The following KIFAP3 variants were observed in gnomAD, a reference collection of about 807,000 sequenced individuals.
KIFAP3 encodes the protein kinesin-associated protein 3.
A neutral mutation model predicts 106.5 loss-of-function variants in KIFAP3; 68 were observed. The observed-to-expected ratio is 0.64, with a 90% CI of 0.53 to 0.78. The LOEUF is 0.78. Ranked by LOEUF, KIFAP3 falls within the 30% of genes least tolerant of loss-of-function variation. The pLI, the probability that KIFAP3 is intolerant of heterozygous loss-of-function variation, is 0.00. For synonymous variants in KIFAP3, 320 were observed against 311.5 expected (o/e 1.03, Z -0.29); for missense variants, 780 against 941.8 (o/e 0.83, Z 2.25).
chr1:169,996,230 G>C (rs1667368703), intron 10 of KIFAP3, among the ~76,000 whole-genome samples: 1 of 151,944 alleles, frequency 6.6e-6, no homozygotes, highest in Non-Finnish European at 1.5e-5. Context: ...ACACCTTCCT[G>C]CTTTAACAGA....
intron 3 of KIFAP3, among the ~76,000 whole-genome samples, chr1:170,046,053 A>G (rs545363748): frequency 6.6e-6 from 1 of 152,042 alleles, no homozygotes; most frequent in African/African-American, 2.4e-5. Context: ...CTGTCCCATT[A>G]CTTCACCTTA....
chr1:170,006,098 G>A (rs967279274), intron 10 of KIFAP3, among the ~76,000 whole-genome samples: 1 of 152,026 alleles, frequency 6.6e-6, no homozygotes. Context: ...TATCAGAATA[G>A]GACCTATTTT....
chr1:170,082,344 T>C (rs1414609544), intron 1 of KIFAP3, among the ~76,000 whole-genome samples: 1 of 152,178 alleles, frequency 6.6e-6, no homozygotes, highest in Non-Finnish European at 1.5e-5. Context: ...ATTCCATTTA[T>C]AAGAAACTCT....
At chr1:170,038,634 T>G (rs1669811779) in intron 4 of KIFAP3, among the ~76,000 whole-genome samples, 1 of 152,190 alleles carries the variant, frequency 6.6e-6, no homozygotes, top group African/African-American at 2.4e-5. Flanking sequence ...AAAATGAGAT[T>G]TATATAAACT....
At chr1:170,038,171 T>C (rs1442986974) in intron 5 of KIFAP3, 119 bp downstream of exon 5, 2 of 791,684 alleles carry the variant, frequency 2.5e-6, no homozygotes, top group Admixed American at 3.6e-5. Flanking sequence ...ACACTCTCAA[T>C]TTAAGAAATC....
chr1:170,082,250 A>C (rs145518977), intron 1 of KIFAP3, among the ~76,000 whole-genome samples: 166 of 152,368 alleles, frequency 1.1e-3, no homozygotes, highest in African/African-American at 3.8e-3. Flanking sequence ...ACTACTTAGC[A>C]TCAAGAAAAA....
At chr1:170,021,936 TC>T (rs1557843635) in intron 9 of KIFAP3, among the ~76,000 whole-genome samples, 2 of 145,750 alleles carry the variant, frequency 1.4e-5, no homozygotes, top group Admixed American at 6.9e-5. Context: ...TTCTTTCTTT[TC>T]TTTCTTTTTT....
intron 1 of KIFAP3, among the ~76,000 whole-genome samples, chr1:170,069,676 AG>A (rs1671606170): frequency 6.6e-6 from 1 of 152,118 alleles, no homozygotes; most frequent in East Asian, 1.9e-4. Flanking sequence ...AACATAATAA[AG>A]GGCATATATG....
chr1:170,013,117 A>G (rs1668325448), intron 10 of KIFAP3, among the ~76,000 whole-genome samples: 1 of 152,110 alleles, frequency 6.6e-6, no homozygotes, highest in African/African-American at 2.4e-5. Context: ...ATGAACCGGG[A>G]AGCAGGCCAT....
Position 169,982,107 on chromosome 1 carries a change from T to G in KIFAP3, c.1673-10A>C. On this transcript the variant is annotated splice_polypyrimidine_tract_variant and intron_variant, in intron 14 of 19. Transcript: ENST00000361580. ...TCATCTTCTGCAGCACCTAGTGAAG[T>G]CAAACCATAGAAAGTTTTCACTGAA... 1.2e-6 allele frequency: 2 copies of G among 1,610,250 alleles called. No homozygotes were observed.
intron 9 of KIFAP3, among the ~76,000 whole-genome samples, chr1:170,023,343 C>T (rs1668949706): frequency 6.6e-6 from 1 of 151,982 alleles, no homozygotes; most frequent in African/African-American, 2.4e-5. Context: ...TTAGCTACTT[C>T]CTAGTTCATT....
chr1:170,009,938 T>C (rs777268051), intron 10 of KIFAP3, among the ~76,000 whole-genome samples: 72 of 152,210 alleles, frequency 4.7e-4, no homozygotes, highest in Non-Finnish European at 7.8e-4. Context: ...CATCTAACAA[T>C]TAAGTAAAGC....
At chr1:170,066,934 C>T (rs536270709) in intron 1 of KIFAP3, among the ~76,000 whole-genome samples, 3 of 151,956 alleles carry the variant, frequency 2.0e-5, no homozygotes, top group African/African-American at 7.3e-5. Flanking sequence ...CATCCTGAGC[C>T]TCAAATGATT....
At position 169,961,134 on chromosome 1, in the gene KIFAP3, A is replaced by C. The variant is rs375562953; in HGVS notation, c.2085T>G (p.Ser695Arg). The change falls in exon 18 of 20, where the codon AGT (serine) becomes AGG (arginine). Residue 695 changes from serine (S) to arginine (R), a missense_variant. Coordinates refer to ENST00000361580, the MANE Select transcript of KIFAP3 (RefSeq NM_014970.4). ...GATCATCACCATACAAGTACTGCTCACTCTCATCCATCTGACGACTCTCTA... is the reference window on the plus strand; with the variant it reads ...GATCATCACCATACAAGTACTGCTCCCTCTCATCCATCTGACGACTCTCTA... ...EMVESRQMDE[S>R]EQYLYGDDRI... is the part of the protein sequence containing the mutation. The C allele has an allele frequency of 2.4e-5, 39 of 1,613,562 alleles. No individual in the cohort carries two copies. In the South Asian group the frequency reaches 4.0e-4, roughly 16 times the overall value.
intron 9 of KIFAP3, among the ~76,000 whole-genome samples, chr1:170,021,256 C>G (rs1557843118): frequency 6.6e-6 from 1 of 151,908 alleles, no homozygotes; most frequent in Non-Finnish European, 1.5e-5. Flanking sequence ...ATAAATAATA[C>G]TACCTCACAA....
At chr1:169,969,585 AAG>A (rs1335315012) in intron 17 of KIFAP3, among the ~76,000 whole-genome samples, 1 of 152,000 alleles carries the variant, frequency 6.6e-6, no homozygotes. Flanking sequence ...GATCATAATT[AAG>A]AGTTATTAAA....
At chr1:170,008,402 G>T (rs373094886) in intron 10 of KIFAP3, among the ~76,000 whole-genome samples, 16 of 151,308 alleles carry the variant, frequency 1.1e-4, no homozygotes, top group African/African-American at 3.7e-4. Context: ...GAATCTACAA[G>T]GAACTTCAAC....
chr1:170,073,310 T>C (rs1671785465), intron 1 of KIFAP3, among the ~76,000 whole-genome samples: 1 of 152,158 alleles, frequency 6.6e-6, no homozygotes, highest in Admixed American at 6.5e-5. Context: ...TATATTTACA[T>C]AAAATAAAAA....
Position 169,982,810 on chromosome 1 carries a change from T to C in KIFAP3, c.1564A>G (p.Ile522Val). 1 of 1,607,742 alleles carries C rather than the reference T, an allele frequency of 6.2e-7. No individual in the cohort carries two copies. The highest frequency in any genetic ancestry group is 8.5e-7 in the Non-Finnish European group (1 of 1,175,540). The change falls in exon 14 of 20, where the codon ATT (isoleucine) becomes GTT (valine). Residue 522 changes from isoleucine (I) to valine (V), a missense_variant. By Grantham distance (29) the Ile-to-Val change is conservative (BLOSUM62 3). Coordinates refer to ENST00000361580, the MANE Select transcript of KIFAP3 (RefSeq NM_014970.4). Reference sequence around the variant, plus strand: ...TTTGCAAGAGTTCCCAAACATTCAATCACAAACTCCTCTTCTTCATCATTA... The same window carrying C: ...TTTGCAAGAGTTCCCAAACATTCAACCACAAACTCCTCTTCTTCATCATTA... ...ISNDEEEEFV[I>V]ECLGTLANLT...
Sources: gnomAD v4.1 joint callset for allele counts (sites outside exome capture counted in the v4.1 genomes callset) on GRCh38, gnomAD v4.1.1 for gene constraint, MANE v1.5 for transcripts, NCBI Gene and HGNC (gene_info 2026-07-23, HGNC 2026-07-21) for gene names.